TMEM273: variants seen among roughly 807,000 people sequenced by gnomAD.
TMEM273 encodes the protein chromosome 10 open reading frame 128.
Under a neutral mutation model 17.9 loss-of-function variants are expected in TMEM273, and 19 were observed. The observed-to-expected ratio is 1.06, with a 90% CI of 0.74 to 1.55. TMEM273 has a LOEUF of 1.55. Ranked by LOEUF, TMEM273 falls within the 40% of genes most tolerant of loss-of-function variation. The probability of loss-of-function intolerance (pLI) is 0.00; values close to 1 mark genes in which losing one functional copy is unlikely to be tolerated. For missense variants in TMEM273, 194 were observed against 155.6 expected (o/e 1.25, Z -1.31); for synonymous variants, 66 against 62.0 (o/e 1.07, Z -0.31).
rs1230096980 is a variant in TMEM273 at position 49,154,783 on chromosome 10, T to C, written c.*1109A>G. 1 of 152,230 alleles carries C rather than the reference T, an allele frequency of 6.6e-6. No homozygotes were observed. Among genetic ancestry groups the C allele is most frequent in the Non-Finnish European group, 1.5e-5 (1 of 68,038 alleles). 9.4% of individuals were successfully genotyped at this position (152,230 alleles called of 1,614,324 possible). A position where few individuals can be genotyped will look rare whatever the true frequency, so the allele number is the denominator to read the frequency against. On this transcript the variant is annotated 3_prime_UTR_variant, in exon 7 of 7. Coordinates refer to ENST00000374153, the MANE Select transcript of TMEM273 (RefSeq NM_001288740.3). ...TATCCTACACACAGAAAATTGCTTA[T>C]GAGTATCACATTACCGCTCTTGGTT...
intron 6 of TMEM273, 112 bp from the exon 7 acceptor site, chr10:49,156,021 A>G: frequency 6.3e-7 from 1 of 1,593,358 alleles, no homozygotes; most frequent in Non-Finnish European, 8.6e-7. Context: ...GCTCATCAGC[A>G]AAGCCTGCAA....
At chr10:49,179,277 C>T (rs769376034) in intron 1 of TMEM273, among the ~76,000 whole-genome samples, 11 of 152,232 alleles carry the variant, frequency 7.2e-5, no homozygotes, top group Admixed American at 2.0e-4. Context: ...AAAAGGTCTG[C>T]TGAGTATGTG....
At chr10:49,185,486 T>C (rs1366848494) in intron 1 of TMEM273, among the ~76,000 whole-genome samples, 1 of 152,090 alleles carries the variant, frequency 6.6e-6, no homozygotes, top group Non-Finnish European at 1.5e-5. Flanking sequence ...TGCCAGTAGA[T>C]TGCACTAAAC....
chr10:49,161,348 C>G (rs1225109147), intron 6 of TMEM273: 10 of 567,770 alleles, frequency 1.8e-5, no homozygotes, highest in Non-Finnish European at 3.2e-5. Flanking sequence ...CCTGTTAAAA[C>G]CATTTTCTCA....
At chr10:49,162,488 G>A (rs933197516) in intron 5 of TMEM273, among the ~76,000 whole-genome samples, 1 of 152,228 alleles carries the variant, frequency 6.6e-6, no homozygotes, top group African/African-American at 2.4e-5. Flanking sequence ...GATTTGCAAA[G>A]CAAAGTGCCT....
intron 1 of TMEM273, among the ~76,000 whole-genome samples, chr10:49,171,321 C>T (rs1846553982): frequency 1.6e-4 from 1 of 6,290 alleles, no homozygotes; most frequent in South Asian, 0.01. Flanking sequence ...GGTCAGAGAG[C>T]CAGAATACAG....
At chr10:49,181,416 T>C (rs1028897057) in intron 1 of TMEM273, among the ~76,000 whole-genome samples, 2 of 152,304 alleles carry the variant, frequency 1.3e-5, no homozygotes, top group African/African-American at 2.4e-5. Context: ...AAATCTTTTT[T>C]GAAAAGGAAG....
intron 6 of TMEM273, chr10:49,160,562 T>TA (rs1236355406): frequency 1.3e-5 from 2 of 151,852 alleles, no homozygotes; most frequent in Non-Finnish European, 2.9e-5. Flanking sequence ...AATAGCACAA[T>TA]AAAAAATAGA....
intron 2 of TMEM273, among the ~76,000 whole-genome samples, chr10:49,167,286 C>A (rs1846255720): frequency 6.6e-6 from 1 of 152,244 alleles, no homozygotes; most frequent in East Asian, 1.9e-4. Context: ...ATTTCTCTGG[C>A]CACCTGAGCC....
chr10:49,182,446 C>T (rs1847409747), intron 1 of TMEM273, among the ~76,000 whole-genome samples: 3 of 152,188 alleles, frequency 2.0e-5, no homozygotes, highest in African/African-American at 7.2e-5. Flanking sequence ...ATAACTCTGG[C>T]TCCTTCAGTG....
At chr10:49,156,067 T>A in intron 6 of TMEM273, 158 bp from the exon 7 acceptor site, 1 of 1,546,336 alleles carries the variant, frequency 6.5e-7, no homozygotes, top group Non-Finnish European at 8.7e-7. Flanking sequence ...AGAAAGGAAC[T>A]GAAGGCCAGT....
In TMEM273 at chr10:49,174,962, G is replaced by C. The variant is rs1846853556; in HGVS notation, c.44-7000C>G. ...TAGCCAGCCAGGTGGGCCAAGGCGG[G>C]CACCTAACCCAGCCTGGGAGTGTCA... On this transcript the variant is annotated intron_variant, in intron 1 of 6. Transcript: ENST00000374153. 2.0e-5 allele frequency among the ~76,000 whole-genome samples: 3 copies of C among 152,170 alleles called. No individual in the cohort carries two copies. The South Asian group carries it at 6.2e-4, about 32-fold the overall frequency.
At chr10:49,175,476 C>T (rs1846892814) in intron 1 of TMEM273, among the ~76,000 whole-genome samples, 2 of 152,224 alleles carry the variant, frequency 1.3e-5, no homozygotes, top group Admixed American at 6.5e-5. Flanking sequence ...GAAATAGCAT[C>T]ATAATTAAGA....
In TMEM273 at chr10:49,167,328, A is replaced by C. The variant is rs116849778; in HGVS notation, c.98-319T>G. ...CCCTTCCTCACTGATCCCTTCGTTA[A>C]TTCATCCACTCATCTATTGGGTGTG... On this transcript the variant is annotated intron_variant, in intron 2 of 6. Coordinates refer to ENST00000374153, the MANE Select transcript of TMEM273 (RefSeq NM_001288740.3). Among the ~76,000 whole-genome samples, 159 of 152,294 alleles carry C rather than the reference A, an allele frequency of 1.0e-3. No individual in the cohort carries two copies. The East Asian group carries it at 0.021, about 21-fold the overall frequency.
At chr10:49,174,200 A>G (rs1046162203) in intron 1 of TMEM273, among the ~76,000 whole-genome samples, 1 of 152,148 alleles carries the variant, frequency 6.6e-6, no homozygotes, top group African/African-American at 2.4e-5. Flanking sequence ...CACAAGTTAT[A>G]CTTCTTAAAT....
At chr10:49,169,757 G>C (rs117752619) in intron 1 of TMEM273, among the ~76,000 whole-genome samples, 1 of 152,072 alleles carries the variant, frequency 6.6e-6, no homozygotes, top group African/African-American at 2.4e-5. Context: ...GTTGAACATC[G>C]TTCCGGACAT....
At position 49,172,809 on chromosome 10, in the gene TMEM273, T is replaced by A. The variant is rs144209314; in HGVS notation, c.44-4847A>T. ...TTCTACAAGCAAGCACACCACCACCTGAGACGGGCATCTGCCAATTTCTAG... is the reference window on the plus strand; with the variant it reads ...TTCTACAAGCAAGCACACCACCACCAGAGACGGGCATCTGCCAATTTCTAG... On this transcript the variant is annotated intron_variant, in intron 1 of 6. Coordinates refer to ENST00000374153, the MANE Select transcript of TMEM273 (RefSeq NM_001288740.3). 5.1e-3 allele frequency among the ~76,000 whole-genome samples: 770 copies of A among 152,314 alleles called. 8 individuals are homozygous for A. Among genetic ancestry groups the A allele is most frequent in the African/African-American group, 0.017 (722 of 41,574 alleles).
At chr10:49,165,475 G>A (rs754877500) in intron 4 of TMEM273, 192 bp from the exon 5 acceptor site, 89 of 1,462,010 alleles carry the variant, frequency 6.1e-5, no homozygotes, top group Admixed American at 1.8e-4. Flanking sequence ...GAAAGTCAGG[G>A]GTATGCACTG....
chr10:49,176,105 G>T (rs1035539097), intron 1 of TMEM273, among the ~76,000 whole-genome samples: 3 of 152,202 alleles, frequency 2.0e-5, no homozygotes, highest in African/African-American at 7.2e-5. Context: ...CAGCTCAGTG[G>T]CCCCATTGCA....
Sources: allele counts gnomAD v4.1 joint callset (sites outside exome capture counted in the v4.1 genomes callset), GRCh38; gene constraint gnomAD v4.1.1; transcripts MANE v1.5; gene names NCBI Gene and HGNC (gene_info 2026-07-23, HGNC 2026-07-21).